Variants in IGF1R observed in about 807,000 individuals in gnomAD.
IGF1R encodes insulin like growth factor 1 receptor, also known as insulin-like growth factor 1 receptor.
Under a neutral mutation model 144.6 loss-of-function variants are expected in IGF1R, and 44 were observed. The observed-to-expected ratio is 0.30, with a 90% CI of 0.24 to 0.39. The LOEUF (loss-of-function observed/expected upper bound fraction) is 0.39. IGF1R is among the 10% of genes least tolerant of loss of function. IGF1R has a pLI of 1.00. For missense variants in IGF1R, 1,355 were observed against 1,833.7 expected (o/e 0.74, Z 4.77); for synonymous variants, 795 against 722.8 (o/e 1.10, Z -1.60).
rs2015000810 is a variant in IGF1R, at chr15:98,911,217, A to C, written c.1463-98A>C. ...GCCCAGAAGGGAACTTAGCATATACAGCCAGCTTTGGGGAAGGGGGAAGCA... is the reference window on the plus strand; with the variant it reads ...GCCCAGAAGGGAACTTAGCATATACCGCCAGCTTTGGGGAAGGGGGAAGCA... On this transcript the variant is annotated intron_variant, in intron 6 of 20. Coordinates refer to ENST00000650285, the MANE Select transcript of IGF1R (RefSeq NM_000875.5). The C allele has an allele frequency of 2.1e-6, 3 of 1,419,674 alleles. No homozygotes were observed. The East Asian group carries it at 7.1e-5, about 33-fold the overall frequency. 87.9% of individuals were successfully genotyped at this position (1,419,674 alleles called of 1,614,324 possible). A position where few individuals can be genotyped will look rare whatever the true frequency, so the allele number is the denominator to read the frequency against.
chr15:98,859,697 AACAC>A (rs1207569035), intron 2 of IGF1R, among the ~76,000 whole-genome samples: 3 of 152,242 alleles, frequency 2.0e-5, no homozygotes, highest in Non-Finnish European at 4.4e-5. Context: ...TTAAAAAACA[AACAC>A]ACACATTCTT....
chr15:98,727,733 C>A (rs1006789237), intron 2 of IGF1R, among the ~76,000 whole-genome samples: 9 of 152,182 alleles, frequency 5.9e-5, no homozygotes, highest in Admixed American at 5.9e-4. Context: ...TCTCGGCCTG[C>A]TTGTCCTCCG....
intron 2 of IGF1R, among the ~76,000 whole-genome samples, chr15:98,780,570 AAAAAAGAGAG>A (rs764191181): frequency 0.012 from 380 of 32,098 alleles, 40 homozygotes; most frequent in Non-Finnish European, 0.065. Context: ...AAAAAAAAAA[AAAAAAGAGAG>A]AGAGAGTAAA....
At chr15:98,902,989 G>A (rs185081156) in intron 5 of IGF1R, among the ~76,000 whole-genome samples, 12 of 152,144 alleles carry the variant, frequency 7.9e-5, no homozygotes, top group East Asian at 1.9e-4. Context: ...TATCGCACTC[G>A]GCGTGAGCTG....
chr15:98,724,271 C>G (rs1010442359), intron 2 of IGF1R, among the ~76,000 whole-genome samples: 1 of 152,136 alleles, frequency 6.6e-6, no homozygotes, highest in South Asian at 2.1e-4. Context: ...TTTAAGGAGT[C>G]TCAACTTTTC....
intron 1 of IGF1R, among the ~76,000 whole-genome samples, chr15:98,652,883 G>A (rs2017500): frequency 0.59 from 88,784 of 151,232 alleles, 27,280 homozygotes; most frequent in African/African-American, 0.78. Context: ...ATTGGATTAT[G>A]TACTTTAAAT....
chr15:98,909,138 A>C (rs1013751346), intron 6 of IGF1R, among the ~76,000 whole-genome samples: 5 of 152,208 alleles, frequency 3.3e-5, no homozygotes, highest in African/African-American at 1.2e-4. Flanking sequence ...TGAAACACTT[A>C]TAAGTAGGTT....
chr15:98,801,447 G>C (rs2056362021), intron 2 of IGF1R, among the ~76,000 whole-genome samples: 1 of 152,242 alleles, frequency 6.6e-6, no homozygotes, highest in African/African-American at 2.4e-5. Context: ...CACCCAGAGA[G>C]AGGGGCAGCC....
At chr15:98,875,743 G>T (rs2013029169) in intron 2 of IGF1R, among the ~76,000 whole-genome samples, 1 of 152,264 alleles carries the variant, frequency 6.6e-6, no homozygotes, top group Non-Finnish European at 1.5e-5. Context: ...AAAAGATGAG[G>T]CTGTGGGGTT....
intron 2 of IGF1R, among the ~76,000 whole-genome samples, chr15:98,819,906 C>A (rs900461179): frequency 7.2e-5 from 11 of 152,128 alleles, no homozygotes; most frequent in African/African-American, 2.4e-4. Flanking sequence ...TATTCTGCTG[C>A]CAATATCACA....
chr15:98,957,291 A>G lies in IGF1R; in HGVS notation c.3953A>G (p.Asp1318Gly), dbSNP rs2151738404. ...TCCTCGTCCTCCCTGCCACTGCCCG[A>G]CAGACACTCAGGACACAAGGCCGAG... ...SASSSSLPLP[D>G]RHSGHKAENG... The change falls in exon 21 of 21, where the codon GAC becomes GGC. Residue 1318 changes from aspartate to glycine, a missense_variant. By Grantham distance (94) the Asp-to-Gly change is moderately conservative. Coordinates refer to ENST00000650285, the MANE Select transcript of IGF1R (RefSeq NM_000875.5). The G allele has an allele frequency of 5.0e-6, 8 of 1,613,794 alleles. No homozygotes were observed. Among genetic ancestry groups the G allele is most frequent in the Non-Finnish European group, 6.8e-6 (8 of 1,179,830 alleles).
chr15:98,867,946 A>G (rs974648825), intron 2 of IGF1R, among the ~76,000 whole-genome samples: 5 of 152,276 alleles, frequency 3.3e-5, no homozygotes, highest in Admixed American at 6.5e-5. Context: ...CGTGTCTCCA[A>G]TGTCAGCACT....
chr15:98,830,041 G>A (rs1725415599), intron 2 of IGF1R, among the ~76,000 whole-genome samples: 2 of 152,192 alleles, frequency 1.3e-5, no homozygotes, highest in African/African-American at 4.8e-5. Context: ...CAGGGATGGA[G>A]CAGCCTATCC....
chr15:98,706,929 A>T (rs148878740), intron 1 of IGF1R, among the ~76,000 whole-genome samples: 1 of 48,444 alleles, frequency 2.1e-5, no homozygotes, highest in African/African-American at 8.3e-5. Flanking sequence ...TCATAAAAAA[A>T]TCACGTTTTT....
chr15:98,891,252 A>G lies in IGF1R; in HGVS notation c.641-73A>G. The G allele has an allele frequency of 7.0e-7, 1 of 1,420,682 alleles. No homozygotes were observed. Among genetic ancestry groups the G allele is most frequent in the Non-Finnish European group, 9.7e-7 (1 of 1,028,320 alleles). The allele number at this position is 1,420,682 out of a possible 1,614,324, so 88.0% of individuals were successfully genotyped here. A position where few individuals can be genotyped will look rare whatever the true frequency, so the allele number is the denominator to read the frequency against. The stretch of plus-strand genomic sequence containing the variant: ...TGGTAGCAGTGAATGACCCAGAAGG[A>G]TGCTGGCCAGGCCCAGAGAAGGCGG... On this transcript the variant is annotated intron_variant, in intron 2 of 20. Transcript: ENST00000650285. The surrounding 1 kb of genome is among the most constrained non-coding windows in gnomAD (Gnocchi z 4.7).
At chr15:98,705,015 T>C (rs372699154) in intron 1 of IGF1R, among the ~76,000 whole-genome samples, 1 of 141,836 alleles carries the variant, frequency 7.1e-6, no homozygotes, top group South Asian at 2.4e-4. Context: ...GGGGGATGAG[T>C]GAGTTGTTTG....
intron 1 of IGF1R, among the ~76,000 whole-genome samples, chr15:98,656,481 A>G (rs1170173543): frequency 6.6e-6 from 1 of 152,210 alleles, no homozygotes; most frequent in Non-Finnish European, 1.5e-5. Context: ...CCCAGGAGGC[A>G]GAGGTTGCAG....
intron 20 of IGF1R, among the ~76,000 whole-genome samples, chr15:98,952,330 A>ACACACACACT (rs1264640788): frequency 1.3e-5 from 2 of 151,198 alleles, no homozygotes; most frequent in African/African-American, 4.9e-5. Flanking sequence ...ACACACACAC[A>ACACACACACT]CTGCCCCTCA....
At chr15:98,947,621 C>T (rs937403488) in intron 19 of IGF1R, among the ~76,000 whole-genome samples, 1 of 152,210 alleles carries the variant, frequency 6.6e-6, no homozygotes, top group Non-Finnish European at 1.5e-5. Flanking sequence ...CCAGCATTGT[C>T]TTTTTTAACA....
Sources: gnomAD v4.1 joint callset for allele counts (sites outside exome capture counted in the v4.1 genomes callset) on GRCh38, gnomAD v4.1.1 for gene constraint, Gnocchi (gnomAD v3.1) non-coding constraint, MANE v1.5 for transcripts, NCBI Gene and HGNC (gene_info 2026-07-23, HGNC 2026-07-21) for gene names.